The following NSD3 variants were observed in gnomAD, a reference collection of about 807,000 sequenced individuals.
NSD3 encodes nuclear receptor binding SET domain protein 3.
Under a neutral mutation model 160.8 loss-of-function variants are expected in NSD3, and 24 were observed. That is an observed-to-expected ratio of 0.15 (90% confidence interval 0.11 to 0.21). The LOEUF is 0.21. NSD3 is among the 10% of genes least tolerant of loss of function. NSD3 has a pLI of 1.00. For synonymous variants in NSD3, 520 were observed against 600.0 expected, an observed-to-expected ratio of 0.87 and a Z score of 1.95; for missense variants, 1,157 against 1,735.9, an observed-to-expected ratio of 0.67 and a Z score of 5.93.
intron 1 of NSD3, among the ~76,000 whole-genome samples, chr8:38,361,682 G>A (rs1245784246): frequency 1.3e-5 from 2 of 149,802 alleles, no homozygotes; most frequent in Non-Finnish European, 3.0e-5. Flanking sequence ...GTGAACCTGG[G>A]AGGCGGAGCT....
Position 38,316,518 on chromosome 8 carries a change from T to C in NSD3, c.1856-476A>G, listed in dbSNP as rs1266827152. The C allele has an allele frequency of 1.3e-5, 14 of 1,047,122 alleles. No homozygotes were observed. Among genetic ancestry groups the C allele is most frequent in the African/African-American group, 1.3e-4 (8 of 60,054 alleles). 64.9% of individuals were successfully genotyped at this position (1,047,122 alleles called of 1,614,324 possible). On this transcript the variant is annotated intron_variant, in intron 9 of 23. Transcript: ENST00000317025. This position sits in a 1 kb window ranked among gnomAD's most constrained non-coding sequence, Gnocchi z 4.5. ...GATTCGTACACGGATAGTGCCATTT[T>C]CCCCCAAATTTTGCAATTCAGTTGA...
intron 1 of NSD3, among the ~76,000 whole-genome samples, chr8:38,377,624 A>T (rs1811426821): frequency 6.6e-6 from 1 of 152,110 alleles, no homozygotes; most frequent in Non-Finnish European, 1.5e-5. Context: ...AAGCGCTGGG[A>T]TTACAGGCGT....
In NSD3 at chr8:38,288,884, G is replaced by C; in HGVS notation, c.3232-128C>G. The C allele has an allele frequency of 1.7e-6, 2 of 1,160,140 alleles. No individual in the cohort carries two copies. Among genetic ancestry groups the C allele is most frequent in the South Asian group, 1.6e-5 (1 of 63,788 alleles). 71.9% of individuals were successfully genotyped at this position (1,160,140 alleles called of 1,614,324 possible). ...TCCGAGAAAGGTTGTCTTTCCTGATGAATAAGCTGAGATTAATAACCATCT... is the reference window on the plus strand; with the variant it reads ...TCCGAGAAAGGTTGTCTTTCCTGATCAATAAGCTGAGATTAATAACCATCT... On this transcript the variant is annotated intron_variant, in intron 18 of 23. Coordinates refer to ENST00000317025, the MANE Select transcript of NSD3 (RefSeq NM_023034.2). The surrounding 1 kb of genome is among the most constrained non-coding windows in gnomAD (Gnocchi z 4.5).
Position 38,275,586 on chromosome 8 carries a change from A to G in NSD3, c.*55T>C. 1.3e-6 allele frequency: 2 copies of G among 1,513,534 alleles called. No homozygotes were observed. Among genetic ancestry groups the G allele is most frequent in the Admixed American group, 4.0e-5 (2 of 49,640 alleles). 93.8% of individuals were successfully genotyped at this position (1,513,534 alleles called of 1,614,324 possible). Reference sequence around the variant, plus strand: ...CACTGTAGCAGTCTCTTCTTTTTAAATGCATGATCTATTTGCTTTTTTCAC... The same window carrying G: ...CACTGTAGCAGTCTCTTCTTTTTAAGTGCATGATCTATTTGCTTTTTTCAC... On this transcript the variant is annotated 3_prime_UTR_variant, in exon 24 of 24. Coordinates refer to ENST00000317025, the MANE Select transcript of NSD3 (RefSeq NM_023034.2).
rs769090428 is a variant in NSD3 at position 38,299,550 on chromosome 8, T to A, written c.2652A>T (p.Ser884=). The A allele has an allele frequency of 6.2e-7, 1 of 1,613,492 alleles. No individual in the cohort carries two copies. Among genetic ancestry groups the A allele is most frequent in the East Asian group, 2.2e-5 (1 of 44,862 alleles). ...VQDHSDPMFS[S]YAYKSHYLLN... ...GTAGGTAGTGGGACTTATAGGCATATGAACTGAACATGGGGTCTGAATGGT... is the reference window on the plus strand; with the variant it reads ...GTAGGTAGTGGGACTTATAGGCATAAGAACTGAACATGGGGTCTGAATGGT... The change falls in exon 15 of 24, where the codon TCA becomes TCT. Residue 884 remains serine, a synonymous_variant. Transcript: ENST00000317025.
Position 38,314,687 on chromosome 8 carries a change from T to G in NSD3, c.2202A>C (p.Ser734=). 5 of 1,614,224 alleles carry G rather than the reference T, an allele frequency of 3.1e-6. No homozygotes were observed. Among genetic ancestry groups the G allele is most frequent in the South Asian group, 1.1e-5 (1 of 91,086 alleles). ...HFHLECLGLA[S]LPDSKFICME... ...TGCAGATGAACTTGCTATCAGGAAGTGATGCCAATCCCAGGCACTCCAGGT... is the reference window on the plus strand; with the variant it reads ...TGCAGATGAACTTGCTATCAGGAAGGGATGCCAATCCCAGGCACTCCAGGT... Residue 734 remains serine, a synonymous_variant, in exon 12 of 24, where the codon TCA becomes TCC. Transcript: ENST00000317025.
rs1808577409 is a variant in NSD3, at chr8:38,275,535, G to A, written c.*106C>T. ...GGTTTCCCATTTTTGCTTTAATAAG[G>A]CAGTTCCGATGGCAAAGGCTGTATG... On this transcript the variant is annotated 3_prime_UTR_variant, in exon 24 of 24. Transcript: ENST00000317025. The A allele has an allele frequency of 2.3e-5, 26 of 1,126,150 alleles. No individual in the cohort carries two copies. The highest frequency in any genetic ancestry group is 3.1e-5 in the Non-Finnish European group (25 of 806,682). The allele number at this position is 1,126,150 out of a possible 1,614,324, so 69.8% of individuals were successfully genotyped here. A position where few individuals can be genotyped will look rare whatever the true frequency, so the allele number is the denominator to read the frequency against.
chr8:38,338,509 T>C lies in NSD3; in HGVS notation c.747+27A>G, dbSNP rs776569023. ...TTCACCTTCTTCCACCATATTTGGT[T>C]AGACAGTATTCAGTAAAACAACTTA... On this transcript the variant is annotated intron_variant, in intron 3 of 23. Transcript: ENST00000317025. 3.2e-6 allele frequency: 5 copies of C among 1,581,556 alleles called. No individual in the cohort carries two copies. The South Asian group carries it at 4.4e-5, about 14-fold the overall frequency.
At position 38,347,625 on chromosome 8, in the gene NSD3, T is replaced by C. The variant is rs765609204; in HGVS notation, c.547A>G (p.Ser183Gly). 6.2e-6 allele frequency: 10 copies of C among 1,613,944 alleles called. No individual in the cohort carries two copies. The South Asian group carries it at 9.9e-5, about 16-fold the overall frequency. The change falls in exon 2 of 24, where the codon AGT (serine) becomes GGT (glycine). Residue 183 changes from serine (S) to glycine (G), a missense_variant. Around this residue, in one of 10 missense-constraint regions of NSD3, gnomAD observed 99 missense variants for 151.8 expected, o/e 0.65. Coordinates refer to ENST00000317025, the MANE Select transcript of NSD3 (RefSeq NM_023034.2). ...TCATGCTTTGATTTCGTGTGCTCAC[T>C]TGCCTGTACTTCATTTAAAAGGTCT... ...CGDLLNEVQA[S>G]EHTKSKHESR...
chr8:38,315,276 A>C (rs1809630342), intron 11 of NSD3, 140 bp downstream of exon 11: 4 of 1,043,384 alleles, frequency 3.8e-6, no homozygotes, highest in Non-Finnish European at 3.9e-6. Context: ...AAAGAACCAC[A>C]AAGAGGTTTT....
At chr8:38,295,249 A>C (rs1413639676) in intron 16 of NSD3, among the ~76,000 whole-genome samples, 31 of 151,816 alleles carry the variant, frequency 2.0e-4, no homozygotes, top group Admixed American at 2.0e-3. Flanking sequence ...CCATTAGTAT[A>C]AAACAACTTT....
chr8:38,303,104 G>A (rs779305455), intron 14 of NSD3: 57 of 413,798 alleles, frequency 1.4e-4, no homozygotes, highest in Non-Finnish European at 1.7e-4. Flanking sequence ...CTTATACACT[G>A]ACAGGAAATG....
intron 1 of NSD3, chr8:38,380,518 A>G (rs1811510577): frequency 6.6e-6 from 1 of 152,260 alleles, no homozygotes; most frequent in Non-Finnish European, 1.5e-5. Flanking sequence ...CATGTTTGAT[A>G]TGTAAGCGTA....
rs1216958812 is a variant in NSD3, at chr8:38,329,499, T to C, written c.1460A>G (p.Lys487Arg). Residue 487 changes from lysine to arginine, a missense_variant, in exon 6 of 24, where the codon AAA becomes AGA. This residue lies in a region of NSD3 where 168 missense variants were observed against 208.1 expected (regional missense o/e 0.81). Transcript: ENST00000317025. This position sits in a 1 kb window ranked among gnomAD's most constrained non-coding sequence, Gnocchi z 4.8. The part of the protein sequence containing the change: ...KSLPASITMH[K>R]GSLDLQKCNM... Reference sequence around the variant, plus strand: ...ACACTTCTGCAAATCCAGGCTCCCTTTGTGCATCGTAATGGAAGCTGGTAA... The same window carrying C: ...ACACTTCTGCAAATCCAGGCTCCCTCTGTGCATCGTAATGGAAGCTGGTAA... 1.2e-6 allele frequency: 2 copies of C among 1,614,204 alleles called. No homozygotes were observed. The highest frequency in any genetic ancestry group is 8.5e-7 in the Non-Finnish European group (1 of 1,180,040).
rs890163958 is a variant in NSD3 at position 38,307,171 on chromosome 8, TAA to T, written c.2243-1728_2243-1727del. On this transcript the variant is annotated intron_variant, in intron 12 of 23. Coordinates refer to ENST00000317025, the MANE Select transcript of NSD3 (RefSeq NM_023034.2). ...ATAAATAAATAAATACAAAAAAACT[TAA>T]AGAGTTTGATAATACCAATTATTAT... is the stretch of plus-strand genomic sequence containing the variant. 2.7e-5 allele frequency among the ~76,000 whole-genome samples: 4 copies of T among 150,702 alleles called. No individual in the cohort carries two copies. The South Asian group carries it at 6.3e-4, about 24-fold the overall frequency.
chr8:38,293,922 CAAAAAAAAAAAAAAAAAAAAAA>C (rs11290856), intron 16 of NSD3, among the ~76,000 whole-genome samples: 2 of 49,934 alleles, frequency 4.0e-5, no homozygotes, highest in African/African-American at 1.9e-4. Context: ...GACTCCGTCT[CAAAAAAAAAAAAAAAAAAAAAA>C]AAAAAAAAAA....
intron 1 of NSD3, among the ~76,000 whole-genome samples, chr8:38,353,527 A>G (rs1201378422): frequency 1.3e-5 from 2 of 152,226 alleles, no homozygotes; most frequent in Admixed American, 6.5e-5. Context: ...TTTTTCAGGC[A>G]TATGTATTCA....
Position 38,274,966 on chromosome 8 carries a change from T to C in NSD3, c.*675A>G, listed in dbSNP as rs954244252. The C allele has an allele frequency of 2.9e-5, 6 of 207,404 alleles. No individual in the cohort carries two copies. Among genetic ancestry groups the C allele is most frequent in the African/African-American group, 1.4e-4 (6 of 43,972 alleles). 12.8% of individuals were successfully genotyped at this position (207,404 alleles called of 1,614,324 possible). On this transcript the variant is annotated 3_prime_UTR_variant, in exon 24 of 24. Transcript: ENST00000317025. ...CACCATATACCCTTCTAGGTAAAGT[T>C]ACCATAGTACAAAGCCCACCTTGTT...
chr8:38,323,598 G>A (rs1585886414), intron 7 of NSD3, among the ~76,000 whole-genome samples: 1 of 152,092 alleles, frequency 6.6e-6, no homozygotes. Context: ...CAGGAGGATC[G>A]TTTGAGCCCA....
Sources: allele counts gnomAD v4.1 joint callset (sites outside exome capture counted in the v4.1 genomes callset), GRCh38; gene constraint gnomAD v4.1.1; regional missense constraint gnomAD v4.1.1; non-coding constraint Gnocchi (gnomAD v3.1); transcripts MANE v1.5; gene names NCBI Gene and HGNC (gene_info 2026-07-23, HGNC 2026-07-21).